The following HPD variants were observed in gnomAD, a reference collection of about 807,000 sequenced individuals.
HPD encodes 4-hydroxyphenylpyruvate dioxygenase.
A neutral mutation model predicts 56.9 loss-of-function variants in HPD; 35 were observed. The observed-to-expected ratio is 0.62, with a 90% CI of 0.47 to 0.82. The LOEUF (loss-of-function observed/expected upper bound fraction) is 0.82, where lower values mean the gene tolerates loss of function less well. HPD is among the 40% of genes least tolerant of loss of function. The probability of loss-of-function intolerance (pLI) is 0.00; values close to 1 mark genes in which losing one functional copy is unlikely to be tolerated. For missense variants in HPD, 442 were observed against 506.8 expected, an observed-to-expected ratio of 0.87 and a Z score of 1.23; for synonymous variants, 186 against 200.2, an observed-to-expected ratio of 0.93 and a Z score of 0.60.
chr12:121,870,341 T>A, the HPD span, among the ~76,000 whole-genome samples: 2 of 151,838 alleles, frequency 1.3e-5, no homozygotes, highest in Admixed American at 6.6e-5. Flanking sequence ...ATTTCACAGA[T>A]TAGAAGATGG....
the HPD span, among the ~76,000 whole-genome samples, chr12:121,883,682 CTTTTT>C: frequency 2.2e-5 from 3 of 138,754 alleles, no homozygotes; most frequent in East Asian, 2.1e-4. Context: ...TTCCTTCTTT[CTTTTT>C]TTTTTTTTTT....
At chr12:121,861,347 A>C (rs1309057647), upstream of HPD, among the ~76,000 whole-genome samples, 1 of 151,710 alleles carries the variant, frequency 6.6e-6, no homozygotes, top group Non-Finnish European at 1.5e-5. Flanking sequence ...AAAAAAAAAA[A>C]AAAATTAGCT....
chr12:121,866,300 CA>C (rs71453584), upstream of HPD, among the ~76,000 whole-genome samples: 31,657 of 94,874 alleles, frequency 0.33, 3,771 homozygotes, highest in Middle Eastern at 0.46. Flanking sequence ...GACTCCGCCT[CA>C]AAAAAAAAAA....
chr12:121,882,304 G>T, the HPD span, among the ~76,000 whole-genome samples: 1 of 152,004 alleles, frequency 6.6e-6, no homozygotes, highest in Non-Finnish European at 1.5e-5. Flanking sequence ...ACCAGGTCTC[G>T]CCAGGGATCT....
the HPD span, among the ~76,000 whole-genome samples, chr12:121,881,947 A>G: frequency 6.7e-6 from 1 of 149,092 alleles, no homozygotes. Flanking sequence ...CGCCCAACCT[A>G]ATTTTCGTAT....
chr12:121,852,454 G>A (rs562795964), intron 7 of HPD, among the ~76,000 whole-genome samples: 2 of 151,924 alleles, frequency 1.3e-5, no homozygotes, highest in South Asian at 4.2e-4. Context: ...ATAGGTGTGA[G>A]CCACTGTGCC....
chr12:121,847,952 C>G (rs557972820), intron 9 of HPD, among the ~76,000 whole-genome samples: 1 of 152,176 alleles, frequency 6.6e-6, no homozygotes, highest in Non-Finnish European at 1.5e-5. Context: ...TATGGGCCAC[C>G]ACGCCCAGCC....
the HPD span, among the ~76,000 whole-genome samples, chr12:121,876,929 AC>A: frequency 2.6e-5 from 4 of 151,804 alleles, no homozygotes; most frequent in Non-Finnish European, 5.9e-5. Context: ...CCCCGTCTGT[AC>A]TAAAAATACA....
chr12:121,869,300 G>A, the HPD span, among the ~76,000 whole-genome samples: 1 of 150,362 alleles, frequency 6.7e-6, no homozygotes. Context: ...CAGTGAGCCA[G>A]GATCGCGCCA....
intron 4 of HPD, 24 bp downstream of exon 4, chr12:121,857,304 G>C (rs2707071): frequency 6.8e-7 from 1 of 1,472,328 alleles, no homozygotes; most frequent in Non-Finnish European, 9.5e-7. Context: ...GGGGTTGGGG[G>C]CTGTCCTGGG....
At chr12:121,868,520 CTTTTT>C (rs869188699), upstream of HPD, among the ~76,000 whole-genome samples, 12 of 12,556 alleles carry the variant, frequency 9.6e-4, no homozygotes, top group African/African-American at 1.2e-3. Context: ...TTTCTTTTTT[CTTTTT>C]TTTTTTTTTT....
upstream of HPD, among the ~76,000 whole-genome samples, chr12:121,861,805 C>T (rs547127118): frequency 2.0e-5 from 3 of 152,274 alleles, no homozygotes; most frequent in South Asian, 2.1e-4. Context: ...AGCCTCGCTT[C>T]GCTCTTAGCC....
At chr12:121,873,809 C>A in the HPD span, among the ~76,000 whole-genome samples, 1 of 90,168 alleles carries the variant, frequency 1.1e-5, no homozygotes, top group Middle Eastern at 4.2e-3. Flanking sequence ...GACAGAGACT[C>A]CGTCTCAAAA....
chr12:121,864,340 G>A (rs1878264746), upstream of HPD, among the ~76,000 whole-genome samples: 2 of 149,786 alleles, frequency 1.3e-5, no homozygotes, highest in African/African-American at 4.9e-5. Context: ...ATCACTTGAG[G>A]CCAGGGGTTC....
the HPD span, among the ~76,000 whole-genome samples, chr12:121,871,046 A>T: frequency 2.0e-5 from 3 of 152,070 alleles, no homozygotes; most frequent in African/African-American, 7.2e-5. Flanking sequence ...ATTCTCCATT[A>T]GGTTTGGGGA....
chr12:121,870,133 A>T, the HPD span, among the ~76,000 whole-genome samples: 50 of 152,062 alleles, frequency 3.3e-4, no homozygotes, highest in East Asian at 8.9e-3. Flanking sequence ...CTGCAGAAGG[A>T]ACATGATTCA....
upstream of HPD, among the ~76,000 whole-genome samples, chr12:121,864,073 C>CAAA (rs748278452): frequency 4.3e-4 from 31 of 71,292 alleles, no homozygotes; most frequent in African/African-American, 7.2e-4. Context: ...ACTAAAAATA[C>CAAA]AAAAAAAAAA....
the HPD span, among the ~76,000 whole-genome samples, chr12:121,886,255 C>T: frequency 3.3e-5 from 5 of 151,382 alleles, no homozygotes; most frequent in African/African-American, 7.3e-5. Context: ...ACTACAGGCA[C>T]GTGCCACCAT....
chr12:121,848,346 C>G (rs775169464), intron 9 of HPD, among the ~76,000 whole-genome samples: 6 of 152,122 alleles, frequency 3.9e-5, no homozygotes, highest in African/African-American at 7.2e-5. Context: ...AAGTCTCTCT[C>G]TCTCACCCAG....
Sources: gnomAD v4.1 joint callset for allele counts (sites outside exome capture counted in the v4.1 genomes callset) on GRCh38, gnomAD v4.1.1 for gene constraint, MANE v1.5 for transcripts, NCBI Gene and HGNC (gene_info 2026-07-23, HGNC 2026-07-21) for gene names.